The following DIP2C variants were observed in gnomAD, a reference collection of about 807,000 sequenced individuals.
DIP2C encodes DIP2 acetate--CoA ligase C (putative), also known as disco-interacting protein 2 homolog C.
A neutral mutation model predicts 192.4 loss-of-function variants in DIP2C; 33 were observed. The ratio of observed to expected loss-of-function variants is 0.17; its 90% CI spans 0.13 to 0.23. DIP2C has a LOEUF of 0.23. Ranked by LOEUF, DIP2C falls within the 10% of genes least tolerant of loss-of-function variation. The pLI, the probability that DIP2C is intolerant of heterozygous loss-of-function variation, is 1.00. For synonymous variants in DIP2C, 979 were observed against 864.1 expected, an observed-to-expected ratio of 1.13 and a Z score of -2.33; for missense variants, 1,537 against 2,110.1, an observed-to-expected ratio of 0.73 and a Z score of 5.32.
At chr10:521,637 A>T (rs1846712011) in intron 1 of DIP2C, among the ~76,000 whole-genome samples, 2 of 152,172 alleles carry the variant, frequency 1.3e-5, no homozygotes, top group African/African-American at 2.4e-5. Context: ...CTTTGTAGTG[A>T]GTTACTTAAT....
At chr10:409,390 C>T (rs989604018) in intron 8 of DIP2C, among the ~76,000 whole-genome samples, 3 of 152,118 alleles carry the variant, frequency 2.0e-5, no homozygotes, top group African/African-American at 7.2e-5. Context: ...CATCAGGGAG[C>T]GGGAGGGCCC....
intron 1 of DIP2C, among the ~76,000 whole-genome samples, chr10:641,067 TTC>T (rs773140934): frequency 2.0e-5 from 3 of 152,176 alleles, no homozygotes; most frequent in Non-Finnish European, 4.4e-5. Flanking sequence ...AGACTTTTTA[TTC>T]TGTCTCTCTT....
At chr10:349,852 T>C (rs913183543) in intron 24 of DIP2C, among the ~76,000 whole-genome samples, 12 of 152,194 alleles carry the variant, frequency 7.9e-5, no homozygotes, top group Admixed American at 5.9e-4. Context: ...GGAAGACTAA[T>C]TAAAAAATTT....
intron 1 of DIP2C, chr10:650,516 C>G (rs562975230): frequency 1.5e-5 from 10 of 684,660 alleles, no homozygotes; most frequent in African/African-American, 1.2e-4. Flanking sequence ...CTTCCCCTGC[C>G]CCAGCTGGTC....
chr10:280,249 C>T (rs1488215592), intron 36 of DIP2C, among the ~76,000 whole-genome samples: 1 of 152,188 alleles, frequency 6.6e-6, no homozygotes, highest in African/African-American at 2.4e-5. Context: ...GCCTTTATTG[C>T]ATCTCAGCTA....
chr10:374,919 C>T (rs1190369742), intron 17 of DIP2C, among the ~76,000 whole-genome samples: 1 of 152,122 alleles, frequency 6.6e-6, no homozygotes, highest in Non-Finnish European at 1.5e-5. Flanking sequence ...ACTCAGTTCC[C>T]ATGTGAAATG....
intron 17 of DIP2C, among the ~76,000 whole-genome samples, chr10:379,503 G>C (rs927645103): frequency 3.3e-5 from 5 of 152,096 alleles, no homozygotes; most frequent in African/African-American, 1.2e-4. Flanking sequence ...GGACCTTGAC[G>C]CCTGGAAGAC....
chr10:411,188 CCATA>C (rs2133081839), intron 8 of DIP2C, among the ~76,000 whole-genome samples: 1 of 152,274 alleles, frequency 6.6e-6, no homozygotes, highest in South Asian at 2.1e-4. Context: ...AAAAGGAAAA[CCATA>C]AATAAAACGT....
intron 28 of DIP2C, among the ~76,000 whole-genome samples, chr10:342,332 G>A (rs1238881349): frequency 6.6e-6 from 1 of 152,102 alleles, no homozygotes; most frequent in Admixed American, 6.5e-5. Context: ...CTAATTTTTT[G>A]TATTTTTAGT....
chr10:601,263 TAATC>T (rs1179294287), intron 1 of DIP2C, among the ~76,000 whole-genome samples: 1 of 152,232 alleles, frequency 6.6e-6, no homozygotes, highest in Non-Finnish European at 1.5e-5. Flanking sequence ...AATCTCTAGA[TAATC>T]AGGCAAAAAT....
rs183714993 is a variant in DIP2C at position 519,278 on chromosome 10, G to T, written c.86-32748C>A. Among the ~76,000 whole-genome samples the T allele has an allele frequency of 2.4e-3, 362 of 152,344 alleles. 1 individual carries two copies. The highest frequency in any genetic ancestry group is 2.5e-3 in the Non-Finnish European group (170 of 68,026). Reference sequence around the variant, plus strand: ...GGAAGCTGTGAAGCTGCCAACAGCTGTAAGGGGACAGGGGAGCCCCTGGGA... The same window carrying T: ...GGAAGCTGTGAAGCTGCCAACAGCTTTAAGGGGACAGGGGAGCCCCTGGGA... On this transcript the variant is annotated intron_variant, in intron 1 of 36. Transcript: ENST00000280886.
chr10:406,235 G>T (rs1244674557), intron 9 of DIP2C, among the ~76,000 whole-genome samples: 1 of 152,156 alleles, frequency 6.6e-6, no homozygotes, highest in African/African-American at 2.4e-5. Context: ...TTCATTATGT[G>T]GTAACACAAA....
chr10:364,511 G>A lies in DIP2C; in HGVS notation c.2340C>T (p.Phe780=), dbSNP rs200940499. 179 of 1,614,088 alleles carry A rather than the reference G, an allele frequency of 1.1e-4. No homozygotes were observed. The East Asian group carries it at 3.7e-3, about 33-fold the overall frequency. ...CGAAGACGAGGCCTCCGGGACCCAC[G>A]AACCCCAGCAAGCCTGTCCTTATGA... ...YPFIRTGLLG[F]VGPGGLVFVV... The change falls in exon 20 of 37, where the codon TTC becomes TTT. Residue 780 remains phenylalanine (F), a synonymous_variant. Transcript: ENST00000280886.
Position 536,186 on chromosome 10 carries a change from C to T in DIP2C, c.86-49656G>A, listed in dbSNP as rs541730109. ...CCTCCAGCATGTGCGCTCAGGCGTCCCTCAGCTTGAAACCACATCACGCCC... is the reference window on the plus strand; with the variant it reads ...CCTCCAGCATGTGCGCTCAGGCGTCTCTCAGCTTGAAACCACATCACGCCC... On this transcript the variant is annotated intron_variant, in intron 1 of 36. Coordinates refer to ENST00000280886, the MANE Select transcript of DIP2C (RefSeq NM_014974.3). Among the ~76,000 whole-genome samples, 8 of 152,334 alleles carry T rather than the reference C, an allele frequency of 5.3e-5. No individual in the cohort carries two copies. The East Asian group carries it at 1.5e-3, about 29-fold the overall frequency.
At chr10:625,000 C>A (rs1854106584) in intron 1 of DIP2C, among the ~76,000 whole-genome samples, 1 of 152,186 alleles carries the variant, frequency 6.6e-6, no homozygotes, top group Admixed American at 6.5e-5. Context: ...ACCTTGGCTG[C>A]CAGGGCCCAG....
chr10:480,655 G>C (rs535337070), intron 2 of DIP2C, among the ~76,000 whole-genome samples: 2 of 151,996 alleles, frequency 1.3e-5, no homozygotes, highest in African/African-American at 4.8e-5. Flanking sequence ...GCATGGCGTA[G>C]GCTCAGCTGC....
intron 5 of DIP2C, among the ~76,000 whole-genome samples, chr10:422,240 G>T (rs1015676888): frequency 4.6e-5 from 7 of 152,196 alleles, no homozygotes; most frequent in African/African-American, 1.7e-4. Flanking sequence ...AAGGCAGAGC[G>T]ACGTGAGGCC....
intron 29 of DIP2C, among the ~76,000 whole-genome samples, chr10:336,048 C>G (rs1241730649): frequency 6.6e-6 from 1 of 152,096 alleles, no homozygotes; most frequent in Non-Finnish European, 1.5e-5. Context: ...CAGGCGCACA[C>G]CACTACACCC....
chr10:499,936 C>T (rs1310777168), intron 1 of DIP2C, among the ~76,000 whole-genome samples: 1 of 152,246 alleles, frequency 6.6e-6, no homozygotes, highest in Non-Finnish European at 1.5e-5. Context: ...TAGGACTTAT[C>T]TCCAGTAACC....
Sources: gnomAD v4.1 joint callset for allele counts (sites outside exome capture counted in the v4.1 genomes callset) on GRCh38, gnomAD v4.1.1 for gene constraint, MANE v1.5 for transcripts, NCBI Gene and HGNC (gene_info 2026-07-23, HGNC 2026-07-21) for gene names.